SH3TC2: variants seen among roughly 807,000 people sequenced by gnomAD.
The protein encoded by SH3TC2 is SH3 domain and tetratricopeptide repeat-containing protein 2.
In SH3TC2, 87 loss-of-function variants were observed where a neutral mutation model predicts 124.5. That is an observed-to-expected ratio of 0.70 (90% confidence interval 0.59 to 0.84). The LOEUF is 0.84. SH3TC2 is among the 40% of genes least tolerant of loss of function. The pLI is 0.00. For missense variants in SH3TC2, 1,536 were observed against 1,566.4 expected (o/e 0.98, Z 0.33); for synonymous variants, 634 against 628.5 (o/e 1.01, Z -0.13).
In SH3TC2 at chr5:148,996,793, G is replaced by A. The variant is rs148732819; in HGVS notation, c.*7918C>T. Among the ~76,000 whole-genome samples, 452 of 152,302 alleles carry A rather than the reference G, an allele frequency of 3.0e-3. 2 individuals are homozygous for A. The highest frequency in any genetic ancestry group is 0.01 in the African/African-American group (433 of 41,568). ...ATTTGGCCCGTGCAAGGAAGATCAA[G>A]TAGCTGAGAGTCATACAGATCATGT... On this transcript the variant is annotated 3_prime_UTR_variant, in exon 17 of 17. Coordinates refer to ENST00000515425, the MANE Select transcript of SH3TC2 (RefSeq NM_024577.4).
intron 15 of SH3TC2, 144 bp downstream of exon 15, chr5:149,008,707 C>G (rs1753732354): frequency 8.5e-7 from 1 of 1,182,992 alleles, no homozygotes; most frequent in Non-Finnish European, 1.2e-6. Flanking sequence ...AAGCAACTTG[C>G]TTAACTAAGG....
rs869151294 is a variant in SH3TC2 at position 149,021,884 on chromosome 5, C to CTTTTTTTTTTTTTTTTTTTTTTTTTTTT, written c.3053+4660_3053+4687dup. Among the ~76,000 whole-genome samples the CTTTTTTTTTTTTTTTTTTTTTTTTTTTT allele has an allele frequency of 9.1e-5, 3 of 32,862 alleles. 1 individual carries two copies. The highest frequency in any genetic ancestry group is 1.6e-4 in the Non-Finnish European group (3 of 18,218). 21.6% of individuals were successfully genotyped at this position (32,862 alleles called of 152,430 possible). A position where few individuals can be genotyped will look rare whatever the true frequency, so the allele number is the denominator to read the frequency against. ...AACACCAATCCTTCACAAACTCTTTCTTTTTTTTTTTTTTTTTTTTTTTTT... is the reference window on the plus strand; with the variant it reads ...AACACCAATCCTTCACAAACTCTTTCTTTTTTTTTTTTTTTTTTTTTTTTTTTTTTTTTTTTTTTTTTTTTTTTTTTTT... On this transcript the variant is annotated intron_variant, in intron 12 of 16. Coordinates refer to ENST00000515425, the MANE Select transcript of SH3TC2 (RefSeq NM_024577.4).
chr5:149,055,055 T>C (rs1237138146), intron 1 of SH3TC2, among the ~76,000 whole-genome samples: 2 of 152,026 alleles, frequency 1.3e-5, no homozygotes, highest in South Asian at 2.1e-4. Context: ...TAAAAAGATA[T>C]CTATGCAAAA....
chr5:149,015,542 C>T lies in SH3TC2; in HGVS notation c.3054-2808G>A, dbSNP rs149672962. On this transcript the variant is annotated intron_variant, in intron 12 of 16. Transcript: ENST00000515425. ...TTTCTGGTTCTCCTGTGCCTGTGTT[C>T]CGGCATGTTATCTCCTGTCCTTTCC... Among the ~76,000 whole-genome samples, 92 of 152,310 alleles carry T rather than the reference C, an allele frequency of 6.0e-4. 1 individual carries two copies. In the East Asian group the frequency reaches 0.013, roughly 22 times the overall value.
chr5:149,009,890 T>C (rs1753755515), intron 14 of SH3TC2, among the ~76,000 whole-genome samples: 1 of 152,222 alleles, frequency 6.6e-6, no homozygotes. Context: ...AGCATTCATC[T>C]ACATAACCCT....
rs1201924273 is a variant in SH3TC2, at chr5:149,002,353, C to T, written c.*2358G>A. The T allele has an allele frequency of 1.3e-5, 2 of 152,698 alleles. No homozygotes were observed. The highest frequency in any genetic ancestry group is 2.9e-5 in the Non-Finnish European group (2 of 68,074). The allele number at this position is 152,698 out of a possible 1,614,324, so 9.5% of individuals were successfully genotyped here. On this transcript the variant is annotated 3_prime_UTR_variant, in exon 17 of 17. Coordinates refer to ENST00000515425, the MANE Select transcript of SH3TC2 (RefSeq NM_024577.4). The stretch of plus-strand genomic sequence containing the variant: ...CTGAATAGCCTCAACCGCAACGTCC[C>T]TCCCAGCTTGGGGCTTTTACAGCTT...
chr5:148,989,239 G>C lies in SH3TC2; in HGVS notation c.*15472C>G, dbSNP rs573850536. ...TCTATTAACGACCTATTACATTCCA[G>C]CCACCATGCTAACTGCTTTAGACAT... On this transcript the variant is annotated 3_prime_UTR_variant, in exon 17 of 17. Coordinates refer to ENST00000515425, the MANE Select transcript of SH3TC2 (RefSeq NM_024577.4). Among the ~76,000 whole-genome samples, 1 of 152,164 alleles carries C rather than the reference G, an allele frequency of 6.6e-6. No homozygotes were observed. Among genetic ancestry groups the C allele is most frequent in the African/African-American group, 2.4e-5 (1 of 41,502 alleles).
At chr5:149,032,303 G>T (rs1347942067) in intron 8 of SH3TC2, among the ~76,000 whole-genome samples, 1 of 152,188 alleles carries the variant, frequency 6.6e-6, no homozygotes, top group Admixed American at 6.5e-5. Flanking sequence ...GGAGCTGAAA[G>T]AAATCATTAT....
chr5:149,059,906 T>C (rs1561775877), intron 1 of SH3TC2, among the ~76,000 whole-genome samples: 2 of 152,224 alleles, frequency 1.3e-5, no homozygotes, highest in African/African-American at 2.4e-5. Flanking sequence ...GAAGATAACA[T>C]GGCATAATGC....
chr5:149,037,163 CATGAGTCG>C (rs1561768360), intron 8 of SH3TC2, among the ~76,000 whole-genome samples: 1 of 152,348 alleles, frequency 6.6e-6, no homozygotes, highest in East Asian at 1.9e-4. Context: ...CTCCAAACTA[CATGAGTCG>C]TTCTTCAAGC....
intron 15 of SH3TC2, 40 bp downstream of exon 15, chr5:149,008,811 C>T (rs373145102): frequency 1.2e-6 from 2 of 1,612,836 alleles, no homozygotes; most frequent in Non-Finnish European, 1.7e-6. Flanking sequence ...TGACTAATCA[C>T]CCCTCTCATT....
At chr5:149,014,271 A>G (rs1753833454) in intron 12 of SH3TC2, among the ~76,000 whole-genome samples, 1 of 152,216 alleles carries the variant, frequency 6.6e-6, no homozygotes, top group Non-Finnish European at 1.5e-5. Flanking sequence ...CAATCCAGGA[A>G]CCTGAATTCC....
chr5:149,062,016 A>G (rs771041393), intron 1 of SH3TC2, among the ~76,000 whole-genome samples: 17 of 152,262 alleles, frequency 1.1e-4, no homozygotes, highest in African/African-American at 1.9e-4. Context: ...AGTGCCTTCT[A>G]CAAGCCCAAG....
At position 149,042,828 on chromosome 5, in the gene SH3TC2, GAT is replaced by G. The variant is rs760232856; in HGVS notation, c.393_394del (p.Ser132HisfsTer9). Reference sequence around the variant, plus strand: ...AAAGAGGAGATGTTCTAGACACATGGATACGTAGCCTAAGAAGTCAAGCCAAC... The same window carrying G: ...AAAGAGGAGATGTTCTAGACACATGGACGTAGCCTAAGAAGTCAAGCCAAC... On this transcript the variant is annotated frameshift_variant, in exon 5 of 17. Transcript: ENST00000515425. LOFTEE classifies it high-confidence loss of function. 1 of 1,614,144 alleles carries G rather than the reference GAT, an allele frequency of 6.2e-7. No individual in the cohort carries two copies. Among genetic ancestry groups the G allele is most frequent in the Non-Finnish European group, 8.5e-7 (1 of 1,180,022 alleles).
Position 148,982,339 on chromosome 5 carries a change from C to G in SH3TC2, c.*22372G>C, listed in dbSNP as rs1157383795. Among the ~76,000 whole-genome samples, 1 of 152,162 alleles carries G rather than the reference C, an allele frequency of 6.6e-6. No homozygotes were observed. Among genetic ancestry groups the G allele is most frequent in the Non-Finnish European group, 1.5e-5 (1 of 68,024 alleles). On this transcript the variant is annotated 3_prime_UTR_variant, in exon 17 of 17. Transcript: ENST00000515425. ...TCATGAAGGGCCATTCAGCGTCTAT[C>G]AAAACAACAAATGCATATGCCCTTA...
intron 1 of SH3TC2, among the ~76,000 whole-genome samples, chr5:149,054,204 G>A (rs1754604235): frequency 6.6e-6 from 1 of 151,650 alleles, no homozygotes; most frequent in Non-Finnish European, 1.5e-5. Context: ...AAATAATAAA[G>A]GAATAAAAAG....
Position 148,993,965 on chromosome 5 carries a change from C to T in SH3TC2, c.*10746G>A, listed in dbSNP as rs1753461796. Among the ~76,000 whole-genome samples the T allele has an allele frequency of 2.0e-5, 3 of 152,170 alleles. No homozygotes were observed. The highest frequency in any genetic ancestry group is 4.4e-5 in the Non-Finnish European group (3 of 68,030). ...CACACATTTGATCCACACAACAATC[C>T]CATGAGATAAGTACTATTATCATCT... On this transcript the variant is annotated 3_prime_UTR_variant, in exon 17 of 17. Transcript: ENST00000515425.
At position 149,028,472 on chromosome 5, in the gene SH3TC2, G is replaced by C. The variant is rs766814812; in HGVS notation, c.1260C>G (p.Ser420Arg). 6.2e-7 allele frequency: 1 copy of C among 1,612,696 alleles called. No homozygotes were observed. Among genetic ancestry groups the C allele is most frequent in the Admixed American group, 1.7e-5 (1 of 59,946 alleles). ...CCTCCAGGCTGGAGTCCTCAGAGCTGCTGGACTGTCTGGACCCCACGGCCT... is the reference window on the plus strand; with the variant it reads ...CCTCCAGGCTGGAGTCCTCAGAGCTCCTGGACTGTCTGGACCCCACGGCCT... ...EHQAVGSRQS[S>R]SSEDSSLEEE... Residue 420 changes from serine to arginine, a missense_variant, in exon 11 of 17, where the codon AGC (serine) becomes AGG (arginine). Physicochemically the swap from Ser to Arg is moderately radical, Grantham distance 110. Coordinates refer to ENST00000515425, the MANE Select transcript of SH3TC2 (RefSeq NM_024577.4).
chr5:148,994,950 G>A lies in SH3TC2; in HGVS notation c.*9761C>T, dbSNP rs1426832940. Among the ~76,000 whole-genome samples the A allele has an allele frequency of 6.6e-6, 1 of 152,012 alleles. No homozygotes were observed. Among genetic ancestry groups the A allele is most frequent in the African/African-American group, 2.4e-5 (1 of 41,394 alleles). ...ATGATTTCCCAAGGAAAGAGACTTG[G>A]GATTATGAAACAATACTCTGGACCA... On this transcript the variant is annotated 3_prime_UTR_variant, in exon 17 of 17. Transcript: ENST00000515425.
Sources: gnomAD v4.1 joint callset for allele counts (sites outside exome capture counted in the v4.1 genomes callset) on GRCh38, gnomAD v4.1.1 for gene constraint, MANE v1.5 for transcripts, NCBI Gene and HGNC (gene_info 2026-07-23, HGNC 2026-07-21) for gene names.